The following BCKDHB variants were observed in gnomAD, a reference collection of about 807,000 sequenced individuals.
BCKDHB encodes the protein branched chain keto acid dehydrogenase E1 subunit beta.
Under a neutral mutation model 48.5 loss-of-function variants are expected in BCKDHB, and 41 were observed. The observed-to-expected ratio is 0.85, with a 90% confidence interval of 0.66 to 1.10. The LOEUF (loss-of-function observed/expected upper bound fraction) is 1.10, where lower values mean the gene tolerates loss of function less well. Ranked by LOEUF, BCKDHB falls within the 50% of genes least tolerant of loss-of-function variation. The pLI is 0.00. For synonymous variants in BCKDHB, 201 were observed against 174.8 expected (o/e 1.15, Z -1.18); for missense variants, 496 against 494.2 (o/e 1.00, Z -0.03).
chr6:80,107,363 TATAA>T (rs1354263472), intron 1 of BCKDHB, among the ~76,000 whole-genome samples: 1 of 146,516 alleles, frequency 6.8e-6, no homozygotes, highest in Non-Finnish European at 1.5e-5. Flanking sequence ...TATATATGTA[TATAA>T]AATCAATTCA....
chr6:80,389,896 A>C, the BCKDHB span, among the ~76,000 whole-genome samples: 3 of 152,112 alleles, frequency 2.0e-5, no homozygotes, highest in Admixed American at 2.0e-4. Context: ...ACCACTCACC[A>C]TCACCCCTAG....
chr6:80,273,527 G>A (rs958832761), intron 9 of BCKDHB, among the ~76,000 whole-genome samples: 2 of 152,100 alleles, frequency 1.3e-5, no homozygotes, highest in East Asian at 1.9e-4. Context: ...TATTTGCTAC[G>A]TTAACAGAAA....
At chr6:80,259,283 A>G (rs557906380) in intron 8 of BCKDHB, among the ~76,000 whole-genome samples, 9 of 152,272 alleles carry the variant, frequency 5.9e-5, no homozygotes, top group African/African-American at 2.2e-4. Context: ...GCCAGCTGCA[A>G]TATTATGGTT....
the BCKDHB span, among the ~76,000 whole-genome samples, chr6:80,420,794 A>C: frequency 6.6e-6 from 1 of 152,310 alleles, no homozygotes; most frequent in Middle Eastern, 3.4e-3. Flanking sequence ...GATGAGGCCT[A>C]AGTGGGCCTT....
At chr6:80,328,571 A>G (rs1186878712) in intron 9 of BCKDHB, among the ~76,000 whole-genome samples, 1 of 152,242 alleles carries the variant, frequency 6.6e-6, no homozygotes, top group Non-Finnish European at 1.5e-5. Context: ...TAGAGGCGAC[A>G]TAGTAGAATT....
intron 8 of BCKDHB, among the ~76,000 whole-genome samples, chr6:80,206,551 G>GTA (rs1582355300): frequency 6.6e-6 from 1 of 151,896 alleles, no homozygotes; most frequent in East Asian, 1.9e-4. Flanking sequence ...TTGTGTGTGT[G>GTA]TGTGTGTGTG....
At chr6:80,361,133 A>G in the BCKDHB span, among the ~76,000 whole-genome samples, 2 of 152,006 alleles carry the variant, frequency 1.3e-5, no homozygotes, top group African/African-American at 4.8e-5. Flanking sequence ...CCTGCATGCC[A>G]GCTTCATTCT....
the BCKDHB span, among the ~76,000 whole-genome samples, chr6:80,377,696 A>G: frequency 7.2e-5 from 11 of 152,176 alleles, no homozygotes; most frequent in Admixed American, 1.3e-4. Context: ...CTATATTTCT[A>G]TTCTTATGCC....
At chr6:80,395,841 G>T in the BCKDHB span, among the ~76,000 whole-genome samples, 2 of 152,160 alleles carry the variant, frequency 1.3e-5, no homozygotes. Context: ...CTTAGAACGT[G>T]GTGCCCTGCA....
At chr6:80,422,998 C>T in the BCKDHB span, among the ~76,000 whole-genome samples, 2 of 152,044 alleles carry the variant, frequency 1.3e-5, no homozygotes, top group African/African-American at 4.8e-5. Context: ...AGGGGTTAGG[C>T]GTGGAATAAT....
chr6:80,267,583 C>T (rs1777567160), intron 8 of BCKDHB, among the ~76,000 whole-genome samples: 1 of 152,050 alleles, frequency 6.6e-6, no homozygotes, highest in East Asian at 1.9e-4. Context: ...AGGGGACTGA[C>T]ATGCCTGGAG....
chr6:80,423,700 C>T, the BCKDHB span, among the ~76,000 whole-genome samples: 3 of 152,118 alleles, frequency 2.0e-5, no homozygotes, highest in African/African-American at 4.8e-5. Context: ...TTTTCTTTAT[C>T]CTTTCACCTA....
chr6:80,451,908 G>A, the BCKDHB span, among the ~76,000 whole-genome samples: 1 of 152,188 alleles, frequency 6.6e-6, no homozygotes, highest in African/African-American at 2.4e-5. Flanking sequence ...TGCCATTCCA[G>A]TCAAAGCCTT....
intron 8 of BCKDHB, among the ~76,000 whole-genome samples, chr6:80,207,490 A>G (rs760288867): frequency 1.4e-4 from 21 of 152,010 alleles, no homozygotes; most frequent in East Asian, 1.2e-3. Flanking sequence ...GGATGGGTCA[A>G]TAGATAACAG....
At chr6:80,358,779 G>A in the BCKDHB span, among the ~76,000 whole-genome samples, 102 of 152,196 alleles carry the variant, frequency 6.7e-4, no homozygotes, top group African/African-American at 2.2e-3. Context: ...GTAGCGATGG[G>A]GACTAAATAG....
intron 9 of BCKDHB, among the ~76,000 whole-genome samples, chr6:80,308,249 G>A (rs1334579393): frequency 6.6e-6 from 1 of 151,394 alleles, no homozygotes; most frequent in Non-Finnish European, 1.5e-5. Flanking sequence ...ATTTTTCATT[G>A]TATCATGGAC....
the BCKDHB span, among the ~76,000 whole-genome samples, chr6:80,426,168 C>G: frequency 6.6e-6 from 1 of 152,094 alleles, no homozygotes; most frequent in Admixed American, 6.5e-5. Context: ...TGTTGTCTCC[C>G]TATGACCGAG....
chr6:80,306,722 T>C (rs1189859878), intron 9 of BCKDHB, among the ~76,000 whole-genome samples: 2 of 152,216 alleles, frequency 1.3e-5, no homozygotes, highest in Admixed American at 6.5e-5. Flanking sequence ...TACTGTCACA[T>C]GGAGATATAT....
At chr6:80,203,792 A>ATAGTAAAACTATCTTAATAGTT (rs1774509911) in intron 8 of BCKDHB, among the ~76,000 whole-genome samples, 1 of 152,042 alleles carries the variant, frequency 6.6e-6, no homozygotes, top group Non-Finnish European at 1.5e-5. Context: ...TACTATTAAG[A>ATAGTAAAACTATCTTAATAGTT]TTTACATAGC....
Sources: allele counts gnomAD v4.1 joint callset (sites outside exome capture counted in the v4.1 genomes callset), GRCh38; gene constraint gnomAD v4.1.1; transcripts MANE v1.5; gene names NCBI Gene and HGNC (gene_info 2026-07-23, HGNC 2026-07-21).